Variants in RPH3A observed in about 807,000 individuals in gnomAD.
RPH3A encodes rabphilin 3A.
Under a neutral mutation model 102.2 loss-of-function variants are expected in RPH3A, and 48 were observed. The ratio of observed to expected loss-of-function variants is 0.47; its 90% CI spans 0.37 to 0.60. The LOEUF (loss-of-function observed/expected upper bound fraction) is 0.60, where lower values mean the gene tolerates loss of function less well. Among genes scored for constraint, RPH3A ranks in the 20% least tolerant of loss-of-function variants. The pLI is 0.00. For missense variants in RPH3A, 781 were observed against 910.1 expected, an observed-to-expected ratio of 0.86 and a Z score of 1.83; for synonymous variants, 310 against 324.3, an observed-to-expected ratio of 0.96 and a Z score of 0.47.
chr12:112,742,106 T>C (rs1219355209), intron 1 of RPH3A, among the ~76,000 whole-genome samples: 3 of 152,120 alleles, frequency 2.0e-5, no homozygotes, highest in Non-Finnish European at 4.4e-5. Context: ...TTTAAGAGCT[T>C]GATTTTTTTC....
intron 1 of RPH3A, among the ~76,000 whole-genome samples, chr12:112,713,054 T>TCTC (rs1484379941): frequency 1.3e-4 from 8 of 63,430 alleles, no homozygotes; most frequent in Non-Finnish European, 3.4e-4. Context: ...TTCTTCTCCT[T>TCTC]CTTCTTCTTC....
intron 1 of RPH3A, among the ~76,000 whole-genome samples, chr12:112,728,183 C>T (rs2040608538): frequency 6.6e-6 from 1 of 152,124 alleles, no homozygotes; most frequent in Admixed American, 6.5e-5. Flanking sequence ...ATGCTGGGAA[C>T]AAAAGGTGGG....
At chr12:112,849,457 A>G (rs1054662307) in intron 5 of RPH3A, among the ~76,000 whole-genome samples, 1 of 151,168 alleles carries the variant, frequency 6.6e-6, no homozygotes, top group Non-Finnish European at 1.5e-5. Context: ...ATGTGTGTGT[A>G]TCTTTATACA....
chr12:112,671,642 G>T (rs1354443128), intron 1 of RPH3A, among the ~76,000 whole-genome samples: 1 of 152,132 alleles, frequency 6.6e-6, no homozygotes. Flanking sequence ...CAAGGCCTAT[G>T]TTCCCTATTG....
At chr12:112,611,271 G>T (rs2039637323) in intron 1 of RPH3A, among the ~76,000 whole-genome samples, 1 of 152,192 alleles carries the variant, frequency 6.6e-6, no homozygotes, top group Non-Finnish European at 1.5e-5. Flanking sequence ...CTGGTTCACA[G>T]CTCCCTGGTT....
At chr12:112,682,274 C>T (rs190167419) in intron 1 of RPH3A, among the ~76,000 whole-genome samples, 2 of 152,018 alleles carry the variant, frequency 1.3e-5, no homozygotes, top group East Asian at 1.9e-4. Flanking sequence ...AGCTGAGAAC[C>T]TGGAGTTCTG....
At chr12:112,633,621 C>T (rs558665482) in intron 1 of RPH3A, among the ~76,000 whole-genome samples, 88 of 152,322 alleles carry the variant, frequency 5.8e-4, no homozygotes, top group African/African-American at 2.0e-3. Context: ...TGCTGCCCCT[C>T]AACGTTGAAC....
upstream of RPH3A, among the ~76,000 whole-genome samples, chr12:112,787,788 T>C (rs975274412): frequency 5.9e-5 from 9 of 152,328 alleles, no homozygotes; most frequent in South Asian, 6.2e-4. Flanking sequence ...GCTGCACATA[T>C]ACAAATTGTG....
chr12:112,706,643 T>TG (rs1341575241), intron 1 of RPH3A, among the ~76,000 whole-genome samples: 1 of 152,194 alleles, frequency 6.6e-6, no homozygotes, highest in Non-Finnish European at 1.5e-5. Context: ...AGATGGTGGA[T>TG]GGGTGGTCCT....
intron 1 of RPH3A, among the ~76,000 whole-genome samples, chr12:112,721,797 A>G (rs1165635357): frequency 1.3e-5 from 2 of 152,190 alleles, no homozygotes; most frequent in African/African-American, 2.4e-5. Flanking sequence ...CCCAAGTTAC[A>G]TATGACCCAA....
At chr12:112,828,756 G>A (rs1433142696) in intron 3 of RPH3A, among the ~76,000 whole-genome samples, 1 of 152,214 alleles carries the variant, frequency 6.6e-6, no homozygotes, top group Non-Finnish European at 1.5e-5. Context: ...TAAGGAAGTT[G>A]CACTAGATCA....
In RPH3A at chr12:112,887,869, A is replaced by G; in HGVS notation, c.1509A>G (p.Lys503=). The G allele has an allele frequency of 5.0e-6, 8 of 1,613,984 alleles. No individual in the cohort carries two copies. Among genetic ancestry groups the G allele is most frequent in the Non-Finnish European group, 6.8e-6 (8 of 1,179,896 alleles). Residue 503 remains lysine, a synonymous_variant, in exon 17 of 22, where the codon AAA becomes AAG. Coordinates refer to ENST00000389385, the MANE Select transcript of RPH3A (RefSeq NM_001143854.2). ...FIGETRFSLK[K]LKPNQRKNFN... Reference sequence around the variant, plus strand: ...GTGAGACCAGATTCTCCCTCAAGAAACTGAAGCCCAACCAGAGGAAGAATT... The same window carrying G: ...GTGAGACCAGATTCTCCCTCAAGAAGCTGAAGCCCAACCAGAGGAAGAATT...
intron 1 of RPH3A, among the ~76,000 whole-genome samples, chr12:112,711,096 G>A (rs570831920): frequency 6.6e-5 from 10 of 152,138 alleles, no homozygotes; most frequent in Non-Finnish European, 1.5e-4. Flanking sequence ...TAGGGTAGCC[G>A]GATCCTCCTA....
chr12:112,622,857 CT>C lies in RPH3A; in HGVS notation c.-140+47539del, dbSNP rs1445496671. On this transcript the variant is annotated intron_variant, in intron 1 of 21. Coordinates refer to the RPH3A transcript ENST00000543106. ...GAAGCCCATCAGACTAACAGCAGAT[CT>C]CTCGGCAGAAACCCTACAAGCCAGA... Among the ~76,000 whole-genome samples, 375 of 136,952 alleles carry C rather than the reference CT, an allele frequency of 2.7e-3. 1 individual carries two copies. Among genetic ancestry groups the C allele is most frequent in the African/African-American group, 9.8e-3 (357 of 36,352 alleles). 89.8% of individuals were successfully genotyped at this position (136,952 alleles called of 152,430 possible). A position where few individuals can be genotyped will look rare whatever the true frequency, so the allele number is the denominator to read the frequency against.
At chr12:112,663,712 G>A (rs2040065960) in intron 1 of RPH3A, among the ~76,000 whole-genome samples, 1 of 152,036 alleles carries the variant, frequency 6.6e-6, no homozygotes, top group African/African-American at 2.4e-5. Flanking sequence ...TTGGGTTTCT[G>A]TCATTCAAAA....
At chr12:112,644,704 T>C (rs555772952) in intron 1 of RPH3A, among the ~76,000 whole-genome samples, 14 of 152,316 alleles carry the variant, frequency 9.2e-5, no homozygotes, top group African/African-American at 3.1e-4. Flanking sequence ...CAAATAACCA[T>C]CTTTAACAGC....
chr12:112,887,638 A>G (rs778417538), intron 16 of RPH3A, among the ~76,000 whole-genome samples, 159 bp from the exon 17 acceptor site: 7 of 152,268 alleles, frequency 4.6e-5, no homozygotes, highest in Non-Finnish European at 1.0e-4. Context: ...AATAAAGAAG[A>G]AGTTAAAGGT....
intron 1 of RPH3A, among the ~76,000 whole-genome samples, chr12:112,580,561 G>A (rs749361258): frequency 6.6e-6 from 1 of 151,608 alleles, no homozygotes; most frequent in Admixed American, 6.6e-5. Flanking sequence ...CCGCCACCAC[G>A]CCCGGCTAAT....
At chr12:112,590,128 C>CTTTTA (rs2039467369) in intron 1 of RPH3A, among the ~76,000 whole-genome samples, 1 of 151,830 alleles carries the variant, frequency 6.6e-6, no homozygotes, top group Non-Finnish European at 1.5e-5. Context: ...GGGCCAGGCT[C>CTTTTA]TGGACTGCTT....
Sources: allele counts gnomAD v4.1 joint callset (sites outside exome capture counted in the v4.1 genomes callset), GRCh38; gene constraint gnomAD v4.1.1; transcripts MANE v1.5; gene names NCBI Gene and HGNC (gene_info 2026-07-23, HGNC 2026-07-21).